The following CDH4 variants were observed in gnomAD, a reference collection of about 807,000 sequenced individuals.
CDH4 encodes the protein cadherin 4.
In CDH4, 33 loss-of-function variants were observed where a neutral mutation model predicts 86.0. That is an observed-to-expected ratio of 0.38 (90% CI 0.29 to 0.51). The LOEUF (loss-of-function observed/expected upper bound fraction) is 0.51. Ranked by LOEUF, CDH4 falls within the 20% of genes least tolerant of loss-of-function variation. CDH4 has a pLI of 0.86. For synonymous variants in CDH4, 555 were observed against 549.4 expected (o/e 1.01, Z -0.14); for missense variants, 1,114 against 1,307.4 (o/e 0.85, Z 2.28).
chr20:61,319,635 G>C (rs1369106114), intron 2 of CDH4, among the ~76,000 whole-genome samples: 2 of 152,078 alleles, frequency 1.3e-5, no homozygotes, highest in East Asian at 3.9e-4. Context: ...GGGATATAAA[G>C]TTTCAATTAT....
chr20:61,474,221 C>T (rs904709229), intron 2 of CDH4, among the ~76,000 whole-genome samples: 3 of 130,922 alleles, frequency 2.3e-5, no homozygotes, highest in South Asian at 2.5e-4. Flanking sequence ...AGTGCAGTGG[C>T]GCAATCTTGG....
chr20:61,613,592 A>G lies in CDH4; in HGVS notation c.170-129971A>G, dbSNP rs547571945. 5.9e-4 allele frequency among the ~76,000 whole-genome samples: 21 copies of G among 35,858 alleles called. No homozygotes were observed. The South Asian group carries it at 0.051, about 87-fold the overall frequency. The allele number at this position is 35,858 out of a possible 152,430, so 23.5% of individuals were successfully genotyped here. On this transcript the variant is annotated intron_variant, in intron 2 of 15. Coordinates refer to ENST00000614565, the MANE Select transcript of CDH4 (RefSeq NM_001794.5). ...AAACAAAATCTGGAAAAAAGGCTTC[A>G]AAAGAAAAAAAAAAAAAAAAGATCT...
intron 2 of CDH4, among the ~76,000 whole-genome samples, chr20:61,735,530 CGGG>C (rs1450888857): frequency 6.6e-6 from 1 of 152,114 alleles, no homozygotes. Flanking sequence ...CCCAGGGACT[CGGG>C]GACCAAGCAC....
chr20:61,560,978 C>G (rs1208532569), intron 2 of CDH4, among the ~76,000 whole-genome samples: 1 of 152,222 alleles, frequency 6.6e-6, no homozygotes, highest in East Asian at 1.9e-4. Context: ...GATGACCAGG[C>G]AGGGGATGCA....
chr20:61,448,778 G>A (rs1006431049), intron 2 of CDH4, among the ~76,000 whole-genome samples: 2 of 152,112 alleles, frequency 1.3e-5, no homozygotes, highest in African/African-American at 4.8e-5. Flanking sequence ...ATAGGCACCC[G>A]CGCATCTGAG....
intron 2 of CDH4, among the ~76,000 whole-genome samples, chr20:61,678,169 T>C (rs2087467687): frequency 6.7e-6 from 1 of 148,656 alleles, no homozygotes; most frequent in African/African-American, 2.4e-5. Context: ...TGATGGATGA[T>C]GGATGGATGA....
At chr20:61,451,320 C>T (rs558680811) in intron 2 of CDH4, among the ~76,000 whole-genome samples, 3 of 152,266 alleles carry the variant, frequency 2.0e-5, no homozygotes, top group East Asian at 1.9e-4. Context: ...GTCTCAGCTG[C>T]GTCAGAGTGG....
chr20:61,859,299 G>A (rs2146125684), intron 6 of CDH4, among the ~76,000 whole-genome samples: 1 of 152,292 alleles, frequency 6.6e-6, no homozygotes, highest in Non-Finnish European at 1.5e-5. Context: ...CTAGATACAA[G>A]TCCTTTGTCG....
intron 4 of CDH4, among the ~76,000 whole-genome samples, chr20:61,801,458 T>A (rs1464519973): frequency 6.6e-6 from 1 of 152,188 alleles, no homozygotes; most frequent in Non-Finnish European, 1.5e-5. Context: ...GAAGTAGGTG[T>A]TCCTTCAGTG....
At chr20:61,803,271 GGCTGGCA>G (rs1473139641) in intron 4 of CDH4, among the ~76,000 whole-genome samples, 16 of 152,196 alleles carry the variant, frequency 1.1e-4, no homozygotes, top group South Asian at 2.1e-4. Context: ...AATCCGCCCG[GGCTGGCA>G]GTTAGAGAAG....
chr20:61,617,608 G>A (rs76753922), intron 2 of CDH4, among the ~76,000 whole-genome samples: 1,785 of 152,318 alleles, frequency 0.012, 37 homozygotes, highest in African/African-American at 0.04. Context: ...GGGCGACAGC[G>A]TGGTCTGAGG....
At chr20:61,513,946 G>A (rs964810178) in intron 2 of CDH4, among the ~76,000 whole-genome samples, 2 of 152,180 alleles carry the variant, frequency 1.3e-5, no homozygotes, top group African/African-American at 4.8e-5. Context: ...CGGGAGAAAG[G>A]AGGGCATTTA....
At chr20:61,416,056 A>G (rs1216771049) in intron 2 of CDH4, among the ~76,000 whole-genome samples, 2 of 140,290 alleles carry the variant, frequency 1.4e-5, no homozygotes, top group Non-Finnish European at 3.0e-5. Context: ...CTGTCACCCA[A>G]GCTGGCACGA....
At chr20:61,935,466 A>G (rs2055171995) in intron 15 of CDH4, among the ~76,000 whole-genome samples, 1 of 151,614 alleles carries the variant, frequency 6.6e-6, no homozygotes, top group Non-Finnish European at 1.5e-5. Context: ...TTTAGAGCCC[A>G]CTGTTTGTTA....
chr20:61,839,695 G>A (rs1982061026), intron 4 of CDH4, among the ~76,000 whole-genome samples: 1 of 151,218 alleles, frequency 6.6e-6, no homozygotes, highest in Non-Finnish European at 1.5e-5. Flanking sequence ...TTGTGTATTT[G>A]TGTGTTTGTT....
intron 9 of CDH4, among the ~76,000 whole-genome samples, chr20:61,920,446 T>C (rs1258138605): frequency 3.4e-5 from 5 of 145,810 alleles, no homozygotes; most frequent in African/African-American, 5.2e-5. Context: ...GGTGATTGCA[T>C]GGAAATGTGT....
At position 61,254,866 on chromosome 20, in the gene CDH4, C is replaced by T; in HGVS notation, c.98C>T (p.Ala33Val). 1 of 1,612,966 alleles carries T rather than the reference C, an allele frequency of 6.2e-7. No individual in the cohort carries two copies. The highest frequency in any genetic ancestry group is 8.5e-7 in the Non-Finnish European group (1 of 1,178,976). ...EDLTTRETCK[A>V]GFSEDDYTAL... ...CTTACAACTAGAGAGACCTGCAAGG[C>T]TGGGTTCTCTGAAGATGATTACACG... The change falls in exon 2 of 16, where the codon GCT becomes GTT. Residue 33 changes from alanine (A) to valine (V), a missense_variant. Ala to Val is a moderately conservative substitution (Grantham distance 64, BLOSUM62 0). This residue lies in a region of CDH4 where 221 missense variants were observed against 209.5 expected (regional missense o/e 1.05). Transcript: ENST00000614565.
intron 2 of CDH4, among the ~76,000 whole-genome samples, chr20:61,509,511 G>A (rs866359453): frequency 6.7e-6 from 1 of 149,046 alleles, no homozygotes. Flanking sequence ...CCTAAGGGAA[G>A]CCGAGCATGT....
chr20:61,692,446 T>C (rs1355161510), intron 2 of CDH4, among the ~76,000 whole-genome samples: 1 of 152,270 alleles, frequency 6.6e-6, no homozygotes, highest in East Asian at 1.9e-4. Flanking sequence ...TAAAGAGATC[T>C]GTTTGAAATA....
Sources: gnomAD v4.1 joint callset for allele counts (sites outside exome capture counted in the v4.1 genomes callset) on GRCh38, gnomAD v4.1.1 for gene constraint, gnomAD v4.1.1 regional missense constraint, MANE v1.5 for transcripts, NCBI Gene and HGNC (gene_info 2026-07-23, HGNC 2026-07-21) for gene names.